The following RIMS1 variants were observed in gnomAD, a reference collection of about 807,000 sequenced individuals.
RIMS1 encodes regulating synaptic membrane exocytosis protein 1.
In RIMS1, 83 loss-of-function variants were observed where a neutral mutation model predicts 214.1. That is an observed-to-expected ratio of 0.39 (90% confidence interval 0.32 to 0.47). The LOEUF (loss-of-function observed/expected upper bound fraction) is 0.47, where lower values mean the gene tolerates loss of function less well. Ranked by LOEUF, RIMS1 falls within the 20% of genes least tolerant of loss-of-function variation. RIMS1 has a pLI of 0.99. For missense variants in RIMS1, 2,050 were observed against 2,161.8 expected (o/e 0.95, Z 1.03); for synonymous variants, 793 against 786.8 (o/e 1.01, Z -0.13).
chr6:72,026,464 C>G (rs571964906), intron 2 of RIMS1, among the ~76,000 whole-genome samples: 30 of 143,206 alleles, frequency 2.1e-4, no homozygotes, highest in South Asian at 1.7e-3. Context: ...CGCCCCCCCC[C>G]CCAACTTTTT....
At chr6:72,369,921 A>G (rs1322979812) in intron 29 of RIMS1, among the ~76,000 whole-genome samples, 1 of 152,224 alleles carries the variant, frequency 6.6e-6, no homozygotes, top group Non-Finnish European at 1.5e-5. Context: ...TGAAGAGTTA[A>G]GAAGATCTTC....
chr6:72,062,447 T>C (rs1034455516), intron 2 of RIMS1, among the ~76,000 whole-genome samples: 7 of 152,286 alleles, frequency 4.6e-5, no homozygotes, highest in African/African-American at 1.4e-4. Context: ...GTTTGCTAGT[T>C]ATCAGATGGG....
intron 4 of RIMS1, among the ~76,000 whole-genome samples, chr6:72,164,931 G>T (rs2046043766): frequency 6.6e-6 from 1 of 152,036 alleles, no homozygotes; most frequent in South Asian, 2.1e-4. Context: ...CCCTCCAAAG[G>T]CCCCAACTCC....
chr6:72,266,280 G>T (rs1307666992), intron 22 of RIMS1: 1 of 545,242 alleles, frequency 1.8e-6, no homozygotes, highest in South Asian at 2.1e-5. Flanking sequence ...AAATGGCGTG[G>T]TGTAATTTGT....
chr6:72,370,026 G>T (rs1183901090), intron 29 of RIMS1, among the ~76,000 whole-genome samples: 2 of 152,246 alleles, frequency 1.3e-5, no homozygotes, highest in East Asian at 3.9e-4. Context: ...GAAGAAAGAA[G>T]AGTTAAAGGG....
intron 29 of RIMS1, chr6:72,366,975 C>G (rs1245375243): frequency 2.5e-6 from 1 of 395,680 alleles, no homozygotes; most frequent in Admixed American, 6.4e-5. Context: ...TTGTCTGAAG[C>G]TTTCAGTGTT....
rs80090229 is a variant in RIMS1 at position 72,240,024 on chromosome 6, C to G, written c.1957+2102C>G. ...ACTATGTCCCTGGCACCACTTGACT[C>G]TATTTCTGGTCCTCAAATGAACTTC... On this transcript the variant is annotated intron_variant, in intron 9 of 33. Coordinates refer to ENST00000521978, the MANE Select transcript of RIMS1 (RefSeq NM_014989.7). Among the ~76,000 whole-genome samples, 658 of 152,286 alleles carry G rather than the reference C, an allele frequency of 4.3e-3. 6 individuals carry two copies. The highest frequency in any genetic ancestry group is 0.015 in the African/African-American group (644 of 41,572).
chr6:71,995,109 T>G (rs1182132155), intron 2 of RIMS1, among the ~76,000 whole-genome samples: 7 of 152,102 alleles, frequency 4.6e-5, no homozygotes, highest in Admixed American at 3.9e-4. Flanking sequence ...CATGTTTCTC[T>G]GGGAAGAAAA....
At chr6:71,976,307 G>T (rs1797119451) in intron 2 of RIMS1, among the ~76,000 whole-genome samples, 1 of 152,050 alleles carries the variant, frequency 6.6e-6, no homozygotes, top group African/African-American at 2.4e-5. Flanking sequence ...AGTGAATAAT[G>T]ATATTGATGA....
At chr6:72,291,882 A>G in intron 25 of RIMS1, 52 bp from the exon 26 acceptor site, 1 of 1,359,392 alleles carries the variant, frequency 7.4e-7, no homozygotes, top group Admixed American at 2.0e-5. Flanking sequence ...GATTTTTGTC[A>G]GACCACATTG....
chr6:72,071,233 TA>T (rs1830514163), intron 2 of RIMS1, among the ~76,000 whole-genome samples: 1 of 151,988 alleles, frequency 6.6e-6, no homozygotes. Flanking sequence ...CCCCAATCTC[TA>T]CAAAAAAATT....
chr6:72,338,849 A>G (rs2096939703), intron 29 of RIMS1, among the ~76,000 whole-genome samples: 1 of 138,656 alleles, frequency 7.2e-6, no homozygotes, highest in African/African-American at 2.7e-5. Context: ...CCAACTTGTG[A>G]AGAGAGAGAG....
At chr6:72,224,448 G>A (rs1340778928) in intron 6 of RIMS1, among the ~76,000 whole-genome samples, 1 of 152,156 alleles carries the variant, frequency 6.6e-6, no homozygotes, top group Admixed American at 6.5e-5. Context: ...CTGGGAATTG[G>A]ATTCTCTTGC....
chr6:72,393,485 GAGGCCGAGAC>G (rs1457877816), intron 31 of RIMS1, among the ~76,000 whole-genome samples: 3 of 152,188 alleles, frequency 2.0e-5, no homozygotes, highest in African/African-American at 7.2e-5. Context: ...AGCACTTTGG[GAGGCCGAGAC>G]AGGCGGATCA....
chr6:71,911,336 T>A (rs1645825475), intron 1 of RIMS1, among the ~76,000 whole-genome samples: 1 of 152,144 alleles, frequency 6.6e-6, no homozygotes, highest in Admixed American at 6.6e-5. Flanking sequence ...AGAAGATCTT[T>A]AGGCTGATTT....
At chr6:71,990,957 A>G (rs955418434) in intron 2 of RIMS1, among the ~76,000 whole-genome samples, 2 of 152,132 alleles carry the variant, frequency 1.3e-5, no homozygotes, top group Non-Finnish European at 2.9e-5. Flanking sequence ...AATTAAGATA[A>G]CAGAATTCTG....
chr6:72,372,254 A>C (rs2098242728), intron 29 of RIMS1, among the ~76,000 whole-genome samples: 2 of 152,188 alleles, frequency 1.3e-5, no homozygotes, highest in African/African-American at 2.4e-5. Context: ...ATAAAAGGTA[A>C]AAGTATCTCA....
intron 1 of RIMS1, among the ~76,000 whole-genome samples, chr6:71,947,211 C>G (rs922517023): frequency 6.6e-6 from 1 of 151,772 alleles, no homozygotes; most frequent in African/African-American, 2.4e-5. Context: ...ATATATATAT[C>G]CAAAAAATAT....
At position 72,179,677 on chromosome 6, in the gene RIMS1, A is replaced by G. The variant is rs1294210848; in HGVS notation, c.574A>G (p.Thr192Ala). Residue 192 changes from threonine to alanine, a missense_variant, in exon 5 of 34, where the codon ACC becomes GCC. Transcript: ENST00000521978. ...SGPQQTSQDGTLSDTATGAGS... is the reference protein window; with the variant it reads ...SGPQQTSQDGALSDTATGAGS... ...CCCTCAGCAGACAAGTCAGGATGGAACCCTGAGTGATACAGCTACAGGTGC... is the reference window on the plus strand; with the variant it reads ...CCCTCAGCAGACAAGTCAGGATGGAGCCCTGAGTGATACAGCTACAGGTGC... The G allele has an allele frequency of 1.2e-6, 2 of 1,613,916 alleles. No homozygotes were observed. Among genetic ancestry groups the G allele is most frequent in the South Asian group, 1.1e-5 (1 of 91,080 alleles).
Sources: gnomAD v4.1 joint callset for allele counts (sites outside exome capture counted in the v4.1 genomes callset) on GRCh38, gnomAD v4.1.1 for gene constraint, MANE v1.5 for transcripts, NCBI Gene and HGNC (gene_info 2026-07-23, HGNC 2026-07-21) for gene names.